The following KLHL7 variants were observed in gnomAD, a reference collection of about 807,000 sequenced individuals.
KLHL7 encodes the protein kelch-like protein 7.
In KLHL7, 44 loss-of-function variants were observed where a neutral mutation model predicts 67.4. That is an observed-to-expected ratio of 0.65 (90% CI 0.51 to 0.84). The LOEUF is 0.84. Ranked by LOEUF, KLHL7 falls within the 40% of genes least tolerant of loss-of-function variation. The pLI, the probability that KLHL7 is intolerant of heterozygous loss-of-function variation, is 0.00. For synonymous variants in KLHL7, 252 were observed against 243.3 expected (o/e 1.04, Z -0.33); for missense variants, 362 against 718.1 (o/e 0.50, Z 5.67).
At chr7:23,151,005 T>C (rs1191769470) in intron 6 of KLHL7, among the ~76,000 whole-genome samples, 1 of 151,942 alleles carries the variant, frequency 6.6e-6, no homozygotes, top group East Asian at 1.9e-4. Context: ...TTTATAAATA[T>C]TTTCCTAGTT....
intron 7 of KLHL7, among the ~76,000 whole-genome samples, chr7:23,158,383 T>C (rs1253523455): frequency 2.6e-5 from 4 of 152,146 alleles, no homozygotes; most frequent in African/African-American, 9.7e-5. Flanking sequence ...TCACACTCTT[T>C]ACTAGACCAT....
At chr7:23,171,603 T>C (rs745868316) in intron 9 of KLHL7, among the ~76,000 whole-genome samples, 14 of 152,238 alleles carry the variant, frequency 9.2e-5, no homozygotes, top group Non-Finnish European at 7.3e-5. Flanking sequence ...GAGTGGTGAC[T>C]GTCAAACCAT....
intron 1 of KLHL7, among the ~76,000 whole-genome samples, chr7:23,115,348 G>T (rs757527057): frequency 6.6e-6 from 1 of 152,118 alleles, no homozygotes; most frequent in Non-Finnish European, 1.5e-5. Context: ...GGAACAGAGG[G>T]TTTTCAAAGA....
intron 4 of KLHL7, among the ~76,000 whole-genome samples, chr7:23,135,594 C>T (rs1783948457): frequency 6.6e-6 from 1 of 152,122 alleles, no homozygotes; most frequent in Non-Finnish European, 1.5e-5. Context: ...TTGTGACCTG[C>T]TAAACATGTA....
chr7:23,154,853 C>T (rs1001630513), intron 7 of KLHL7, among the ~76,000 whole-genome samples: 5 of 152,210 alleles, frequency 3.3e-5, no homozygotes, highest in African/African-American at 1.2e-4. Flanking sequence ...AAGACTATAT[C>T]TGGCCCTCTT....
chr7:23,106,248 CT>C lies in KLHL7; in HGVS notation c.120+105del, dbSNP rs1027932556. 53 of 1,548,336 alleles carry C rather than the reference CT, an allele frequency of 3.4e-5. No individual in the cohort carries two copies. The Admixed American group carries it at 6.9e-4, about 20-fold the overall frequency. Reference sequence around the variant, plus strand: ...CCCGCGCCCTGTGGATCGCGCCCCTCTTTCTCTGTCCTCGCCCCTCCTTCCG... The same window carrying C: ...CCCGCGCCCTGTGGATCGCGCCCCTCTTCTCTGTCCTCGCCCCTCCTTCCG... On this transcript the variant is annotated intron_variant, in intron 1 of 10. Transcript: ENST00000339077.
chr7:23,170,360 T>C lies in KLHL7; in HGVS notation c.1379+2323T>C, dbSNP rs143405089. ...GCTGAAAAACTAAGCCTATGGACCATAGAAACACAAATAACACATGTTGTC... is the reference window on the plus strand; with the variant it reads ...GCTGAAAAACTAAGCCTATGGACCACAGAAACACAAATAACACATGTTGTC... On this transcript the variant is annotated intron_variant, in intron 9 of 10. Coordinates refer to ENST00000339077, the MANE Select transcript of KLHL7 (RefSeq NM_001031710.3). 2.7e-4 allele frequency among the ~76,000 whole-genome samples: 41 copies of C among 152,306 alleles called. No homozygotes were observed. The East Asian group carries it at 6.9e-3, about 26-fold the overall frequency.
At chr7:23,139,565 CA>C (rs1784106966) in intron 4 of KLHL7, among the ~76,000 whole-genome samples, 1 of 152,170 alleles carries the variant, frequency 6.6e-6, no homozygotes, top group Non-Finnish European at 1.5e-5. Context: ...GTAAATTTTA[CA>C]AAGGAGGTGG....
chr7:23,112,817 T>C (rs866972599), intron 1 of KLHL7, among the ~76,000 whole-genome samples: 4 of 152,170 alleles, frequency 2.6e-5, no homozygotes, highest in African/African-American at 9.7e-5. Context: ...GGCAGCTGTT[T>C]TGAGAAATTT....
At chr7:23,151,724 A>C (rs911044567) in intron 6 of KLHL7, among the ~76,000 whole-genome samples, 9 of 152,196 alleles carry the variant, frequency 5.9e-5, no homozygotes, top group African/African-American at 2.2e-4. Flanking sequence ...AGGTGATTCT[A>C]ATGTAAAGAT....
intron 7 of KLHL7, 61 bp downstream of exon 7, chr7:23,152,270 A>G: frequency 6.8e-7 from 1 of 1,474,340 alleles, no homozygotes; most frequent in South Asian, 1.1e-5. Context: ...CACATAAGAC[A>G]CTCACCAACT....
At chr7:23,170,907 C>CTTTTTTTT (rs34932759) in intron 9 of KLHL7, among the ~76,000 whole-genome samples, 2 of 132,938 alleles carry the variant, frequency 1.5e-5, no homozygotes, top group Non-Finnish European at 3.2e-5. Flanking sequence ...TAAGAAATGA[C>CTTTTTTTT]TTTTTTTTTT....
intron 6 of KLHL7, among the ~76,000 whole-genome samples, chr7:23,150,440 A>T (rs897139702): frequency 9.2e-5 from 14 of 152,322 alleles, no homozygotes; most frequent in Admixed American, 5.2e-4. Context: ...TTTAACACAA[A>T]CAGTAGTGCA....
chr7:23,160,097 G>C (rs945434282), intron 7 of KLHL7, among the ~76,000 whole-genome samples: 15 of 152,154 alleles, frequency 9.9e-5, no homozygotes, highest in African/African-American at 3.6e-4. Context: ...ACAAAGAGTA[G>C]ATGTTTGTTT....
At chr7:23,117,985 C>G in intron 1 of KLHL7, 1 of 1,613,710 alleles carries the variant, frequency 6.2e-7, no homozygotes. Flanking sequence ...CCTCAGTCTT[C>G]TCTTTGGGAT....
At chr7:23,152,847 G>A (rs569117572) in intron 7 of KLHL7, among the ~76,000 whole-genome samples, 3 of 152,208 alleles carry the variant, frequency 2.0e-5, no homozygotes, top group African/African-American at 7.2e-5. Flanking sequence ...GTGTGTTTTG[G>A]CTGTGGGAGA....
At chr7:23,132,701 G>A (rs1174571753) in intron 4 of KLHL7, among the ~76,000 whole-genome samples, 1 of 152,128 alleles carries the variant, frequency 6.6e-6, no homozygotes, top group Non-Finnish European at 1.5e-5. Context: ...GTGGGGTATT[G>A]CTCAAGAAAT....
Position 23,174,060 on chromosome 7 carries a change from G to A in KLHL7, c.1523G>A (p.Trp508Ter), listed in dbSNP as rs1785236374. The change falls in exon 11 of 11, where the codon TGG becomes TAG. Residue 508 changes from tryptophan (W) to a stop codon, truncating the protein, a stop_gained. Transcript: ENST00000339077. LOFTEE classifies it high-confidence loss of function. ...TATTACGATATTAAGTTGAACGAAT[G>A]GAAGATGGTCTCACCAATGCCATGG... ...VEYYDIKLNE[W>*]KMVSPMPWKG... 1.2e-6 allele frequency: 2 copies of A among 1,614,136 alleles called. No individual in the cohort carries two copies. The highest frequency in any genetic ancestry group is 1.1e-5 in the South Asian group (1 of 91,080).
intron 4 of KLHL7, among the ~76,000 whole-genome samples, chr7:23,131,447 A>G (rs1385801430): frequency 1.3e-5 from 2 of 152,170 alleles, no homozygotes; most frequent in Non-Finnish European, 2.9e-5. Context: ...ATTATAGTAG[A>G]TATTTCATTC....
Sources: gnomAD v4.1 joint callset for allele counts (sites outside exome capture counted in the v4.1 genomes callset) on GRCh38, gnomAD v4.1.1 for gene constraint, MANE v1.5 for transcripts, NCBI Gene and HGNC (gene_info 2026-07-23, HGNC 2026-07-21) for gene names.